The following KDM4C variants were observed in gnomAD, a reference collection of about 807,000 sequenced individuals.
The protein encoded by KDM4C is lysine-specific demethylase 4C.
KDM4C carries 81 observed loss-of-function variants against 129.3 expected under a neutral mutation model. The observed-to-expected ratio is 0.63, with a 90% CI of 0.52 to 0.75. KDM4C has a LOEUF of 0.75. Ranked by LOEUF, KDM4C falls within the 30% of genes least tolerant of loss-of-function variation. The pLI, the probability that KDM4C is intolerant of heterozygous loss-of-function variation, is 0.00. For missense variants in KDM4C, 1,457 were observed against 1,304.0 expected (o/e 1.12, Z -1.81); for synonymous variants, 573 against 456.1 (o/e 1.26, Z -3.26).
intron 15 of KDM4C, among the ~76,000 whole-genome samples, chr9:7,019,602 T>C (rs1274824647): frequency 6.6e-6 from 1 of 150,858 alleles, no homozygotes; most frequent in Non-Finnish European, 1.5e-5. Context: ...TTTCAACGCC[T>C]CGTGTTCATT....
chr9:6,815,660 TCCTTTGAGCATGA>T (rs556376016), intron 4 of KDM4C, among the ~76,000 whole-genome samples: 5 of 152,322 alleles, frequency 3.3e-5, no homozygotes, highest in South Asian at 2.1e-4. Context: ...AGTGAGCATT[TCCTTTGAGCATGA>T]CCTTTGAGCA....
chr9:6,992,167 A>G (rs1818874988), intron 12 of KDM4C, among the ~76,000 whole-genome samples: 1 of 152,216 alleles, frequency 6.6e-6, no homozygotes, highest in Non-Finnish European at 1.5e-5. Context: ...TCTCTTCAGT[A>G]TAACTTTTGT....
At chr9:6,797,085 TAGCCTCCCAAGTAGCTGGGACTC>T (rs1014159476) in intron 2 of KDM4C, among the ~76,000 whole-genome samples, 14 of 151,928 alleles carry the variant, frequency 9.2e-5, no homozygotes, top group East Asian at 1.9e-4. Context: ...CTCAAGCAAG[TAGCCTCCCAAGTAGCTGGGACTC>T]AGCCTCCCAA....
At chr9:6,853,041 T>G (rs898022877) in intron 5 of KDM4C, among the ~76,000 whole-genome samples, 27 of 151,954 alleles carry the variant, frequency 1.8e-4, no homozygotes, top group African/African-American at 5.8e-4. Context: ...TTGTGTGTGT[T>G]TTTTTTTCAC....
intron 15 of KDM4C, among the ~76,000 whole-genome samples, chr9:7,022,067 A>G (rs10975982): frequency 0.089 from 13,580 of 152,198 alleles, 765 homozygotes; most frequent in East Asian, 0.18. Context: ...GCTCTGTATT[A>G]TAATTTTAAG....
chr9:7,038,684 T>C (rs12555619), intron 15 of KDM4C, among the ~76,000 whole-genome samples: 8,460 of 152,128 alleles, frequency 0.056, 264 homozygotes, highest in South Asian at 0.097. Flanking sequence ...GGTTAGATTA[T>C]AAGAAGTCAG....
intron 1 of KDM4C, among the ~76,000 whole-genome samples, chr9:6,743,126 A>G (rs1817756048): frequency 6.6e-6 from 1 of 152,224 alleles, no homozygotes; most frequent in Non-Finnish European, 1.5e-5. Flanking sequence ...ACAAAGGATT[A>G]CTAATATGAA....
chr9:7,055,034 G>A (rs1308303768), intron 17 of KDM4C, among the ~76,000 whole-genome samples: 2 of 152,010 alleles, frequency 1.3e-5, no homozygotes, highest in African/African-American at 4.8e-5. Context: ...AAAATTAGCC[G>A]GGTGTGGGTG....
At chr9:6,888,271 A>G (rs1364620976) in intron 7 of KDM4C, among the ~76,000 whole-genome samples, 1 of 152,218 alleles carries the variant, frequency 6.6e-6, no homozygotes, top group African/African-American at 2.4e-5. Flanking sequence ...TCATGTTGCT[A>G]TAGTTCACTT....
At chr9:7,020,909 T>C (rs1169121970) in intron 15 of KDM4C, among the ~76,000 whole-genome samples, 2 of 101,088 alleles carry the variant, frequency 2.0e-5, no homozygotes, top group Non-Finnish European at 3.7e-5. Context: ...TTTTATTCAT[T>C]TTCCTTTTTT....
chr9:7,152,463 A>C (rs1459468563), intron 19 of KDM4C, among the ~76,000 whole-genome samples: 2 of 152,256 alleles, frequency 1.3e-5, no homozygotes, highest in Non-Finnish European at 2.9e-5. Flanking sequence ...GAAATATTGT[A>C]GGATTTCGCT....
At chr9:7,010,052 A>C (rs1822409878) in intron 12 of KDM4C, among the ~76,000 whole-genome samples, 1 of 152,244 alleles carries the variant, frequency 6.6e-6, no homozygotes, top group African/African-American at 2.4e-5. Context: ...CAACATATGC[A>C]CACAAACATG....
intron 15 of KDM4C, among the ~76,000 whole-genome samples, chr9:7,018,240 T>C (rs1002014806): frequency 6.6e-6 from 1 of 151,956 alleles, no homozygotes; most frequent in African/African-American, 2.4e-5. Context: ...AACACAATGG[T>C]AAGTGTTCGT....
At chr9:6,730,192 C>T (rs1276457933) in intron 1 of KDM4C, among the ~76,000 whole-genome samples, 2 of 152,042 alleles carry the variant, frequency 1.3e-5, no homozygotes, top group South Asian at 2.1e-4. Context: ...TTTGCTTCTG[C>T]GAAGAAAAAG....
chr9:6,752,380 A>G lies in KDM4C; in HGVS notation c.49+31383A>G, dbSNP rs377384184. Among the ~76,000 whole-genome samples the G allele has an allele frequency of 2.7e-5, 4 of 147,766 alleles. No homozygotes were observed. The East Asian group carries it at 7.8e-4, about 29-fold the overall frequency. ...AAAAAAATTAAGGAGGAACAGGTAAAACAAAAAATTGGTAACGTTCTCAAA... is the reference window on the plus strand; with the variant it reads ...AAAAAAATTAAGGAGGAACAGGTAAGACAAAAAATTGGTAACGTTCTCAAA... On this transcript the variant is annotated intron_variant, in intron 1 of 17. Transcript: ENST00000536108.
intron 8 of KDM4C, among the ~76,000 whole-genome samples, chr9:6,950,044 T>A (rs1435995435): frequency 7.2e-6 from 1 of 139,364 alleles, no homozygotes; most frequent in East Asian, 2.1e-4. Flanking sequence ...TGTGGCTGGT[T>A]TTTTTTTTTT....
intron 8 of KDM4C, among the ~76,000 whole-genome samples, chr9:6,951,218 A>T (rs1187436139): frequency 6.6e-6 from 1 of 152,016 alleles, no homozygotes; most frequent in Non-Finnish European, 1.5e-5. Context: ...GAAATTATAT[A>T]TTTCTATTAA....
intron 18 of KDM4C, among the ~76,000 whole-genome samples, chr9:7,120,623 TC>T (rs1403624623): frequency 2.6e-5 from 4 of 152,214 alleles, no homozygotes; most frequent in African/African-American, 7.2e-5. Context: ...GTCTTTGGAA[TC>T]AGTGGTGATT....
chr9:6,879,231 T>C (rs1844066701), intron 5 of KDM4C, among the ~76,000 whole-genome samples: 1 of 152,212 alleles, frequency 6.6e-6, no homozygotes, highest in Non-Finnish European at 1.5e-5. Context: ...TTATTGTTAA[T>C]ATCCTCATTA....
Sources: gnomAD v4.1 joint callset for allele counts (sites outside exome capture counted in the v4.1 genomes callset) on GRCh38, gnomAD v4.1.1 for gene constraint, MANE v1.5 for transcripts, NCBI Gene and HGNC (gene_info 2026-07-23, HGNC 2026-07-21) for gene names.